MEX3A: variants seen among roughly 807,000 people sequenced by gnomAD.
The protein encoded by MEX3A is RNA-binding protein MEX3A.
MEX3A carries 4 observed loss-of-function variants against 30.0 expected under a neutral mutation model. That is an observed-to-expected ratio of 0.13 (90% CI 0.07 to 0.30). The LOEUF is 0.30. MEX3A is among the 10% of genes least tolerant of loss of function. The pLI is 1.00. For missense variants in MEX3A, 555 were observed against 736.7 expected (o/e 0.75, Z 2.86); for synonymous variants, 335 against 327.6 (o/e 1.02, Z -0.24).
rs1647957734 is a variant in MEX3A at position 156,073,009 on chromosome 1, G to A, written c.*3565C>T. On this transcript the variant is annotated 3_prime_UTR_variant, in exon 2 of 2. Transcript: ENST00000532414. ...GAAAGCTGGATGGGAACAGGGGTAGGGGACTGATCGCCTCAGTGCTCTTGA... is the reference window on the plus strand; with the variant it reads ...GAAAGCTGGATGGGAACAGGGGTAGAGGACTGATCGCCTCAGTGCTCTTGA... 6.6e-6 allele frequency: 1 copy of A among 152,444 alleles called. No homozygotes were observed. Among genetic ancestry groups the A allele is most frequent in the Admixed American group, 6.5e-5 (1 of 15,288 alleles). 9.4% of individuals were successfully genotyped at this position (152,444 alleles called of 1,614,324 possible).
Position 156,076,634 on chromosome 1 carries a change from C to G in MEX3A, c.1503G>C (p.Thr501=). 2 of 1,613,870 alleles carry G rather than the reference C, an allele frequency of 1.2e-6. No individual in the cohort carries two copies. The highest frequency in any genetic ancestry group is 1.7e-6 in the Non-Finnish European group (2 of 1,179,860). The change falls in exon 2 of 2, where the codon ACG becomes ACC. Residue 501 remains threonine, a synonymous_variant. Coordinates refer to ENST00000532414, the MANE Select transcript of MEX3A (RefSeq NM_001093725.2). This position sits in a 1 kb window ranked among gnomAD's most constrained non-coding sequence, Gnocchi z 6.0. ...MECAVRICER[T]DPECPVCHIT... ...TGTGGCAGACGGGACACTCTGGGTC[C>G]GTCCTCTCGCAGATGCGTACTGCAC...
In MEX3A at chr1:156,082,383, G is replaced by T. The variant is rs1236580758; in HGVS notation, c.-385C>A. On this transcript the variant is annotated 5_prime_UTR_variant, in exon 1 of 2. Coordinates refer to ENST00000532414, the MANE Select transcript of MEX3A (RefSeq NM_001093725.2). ...CCCGCTGTCCAGGCGCCCCCGTTAG[G>T]CTCCCGCACCGAGCCCCAGTCCGGG... Among the ~76,000 whole-genome samples, 1 of 152,112 alleles carries T rather than the reference G, an allele frequency of 6.6e-6. No homozygotes were observed. Among genetic ancestry groups the T allele is most frequent in the African/African-American group, 2.4e-5 (1 of 41,444 alleles).
chr1:156,082,053 G>A lies in MEX3A; in HGVS notation c.-55C>T. The A allele has an allele frequency of 1.2e-6, 1 of 865,518 alleles. No homozygotes were observed. The allele number at this position is 865,518 out of a possible 1,614,324, so 53.6% of individuals were successfully genotyped here. ...GGGAGAGAGAGAGAGAGAGGTGGTG[G>A]AAGGGAAAAGAGGAGAGAGGAGGGG... is the stretch of plus-strand genomic sequence containing the variant. On this transcript the variant is annotated 5_prime_UTR_variant, in exon 1 of 2. Coordinates refer to ENST00000532414, the MANE Select transcript of MEX3A (RefSeq NM_001093725.2).
Position 156,082,383 on chromosome 1 carries a change from G to C in MEX3A, c.-385C>G, listed in dbSNP as rs1236580758. ...CCCGCTGTCCAGGCGCCCCCGTTAGGCTCCCGCACCGAGCCCCAGTCCGGG... is the reference window on the plus strand; with the variant it reads ...CCCGCTGTCCAGGCGCCCCCGTTAGCCTCCCGCACCGAGCCCCAGTCCGGG... On this transcript the variant is annotated 5_prime_UTR_variant, in exon 1 of 2. Transcript: ENST00000532414. 2.0e-5 allele frequency among the ~76,000 whole-genome samples: 3 copies of C among 152,230 alleles called. No individual in the cohort carries two copies. Among genetic ancestry groups the C allele is most frequent in the South Asian group, 2.1e-4 (1 of 4,824 alleles).
At chr1:156,081,224 T>C (rs1461831536) in intron 1 of MEX3A, among the ~76,000 whole-genome samples, 1 of 152,132 alleles carries the variant, frequency 6.6e-6, no homozygotes, top group African/African-American at 2.4e-5. Context: ...TCCGTCAGTT[T>C]TTCTGGTTAG....
intron 1 of MEX3A, among the ~76,000 whole-genome samples, chr1:156,078,263 C>T (rs1648126988): frequency 1.3e-5 from 2 of 152,198 alleles, no homozygotes; most frequent in African/African-American, 4.8e-5. Context: ...CCCCACATGC[C>T]TTCCACTCAG....
At position 156,075,007 on chromosome 1, in the gene MEX3A, T is replaced by A. The variant is rs1405890883; in HGVS notation, c.*1567A>T. The A allele has an allele frequency of 6.6e-6, 1 of 152,568 alleles. No homozygotes were observed. The allele number at this position is 152,568 out of a possible 1,614,324, so 9.5% of individuals were successfully genotyped here. A position where few individuals can be genotyped will look rare whatever the true frequency, so the allele number is the denominator to read the frequency against. On this transcript the variant is annotated 3_prime_UTR_variant, in exon 2 of 2. Transcript: ENST00000532414. ...ATCTCCTGGGACTCCCATCCCTCCATCCTCTCTTGGCCCGGCCAGCGGAAC... is the reference window on the plus strand; with the variant it reads ...ATCTCCTGGGACTCCCATCCCTCCAACCTCTCTTGGCCCGGCCAGCGGAAC...
chr1:156,078,028 T>A (rs1648119532), intron 1 of MEX3A, among the ~76,000 whole-genome samples: 1 of 152,026 alleles, frequency 6.6e-6, no homozygotes, highest in Non-Finnish European at 1.5e-5. Flanking sequence ...CAAACTACAC[T>A]CCTTTCTCCC....
chr1:156,076,426 C>G lies in MEX3A; in HGVS notation c.*148G>C. On this transcript the variant is annotated 3_prime_UTR_variant, in exon 2 of 2. Transcript: ENST00000532414. The surrounding 1 kb of genome is among the most constrained non-coding windows in gnomAD (Gnocchi z 6.0). ...GCTCTGAAAGTGGCGCACCCTCCAG[C>G]CACCACTGCCTCCCTCCCCCCTTCC... 3.6e-6 allele frequency: 3 copies of G among 825,912 alleles called. No individual in the cohort carries two copies. The South Asian group carries it at 5.8e-5, about 16-fold the overall frequency. The allele number at this position is 825,912 out of a possible 1,614,324, so 51.2% of individuals were successfully genotyped here. A position where few individuals can be genotyped will look rare whatever the true frequency, so the allele number is the denominator to read the frequency against.
rs1169771146 is a variant in MEX3A at position 156,075,318 on chromosome 1, T to C, written c.*1256A>G. 6.7e-6 allele frequency: 1 copy of C among 150,214 alleles called. No individual in the cohort carries two copies. Among genetic ancestry groups the C allele is most frequent in the Non-Finnish European group, 1.5e-5 (1 of 67,506 alleles). 9.3% of individuals were successfully genotyped at this position (150,214 alleles called of 1,614,324 possible). A position where few individuals can be genotyped will look rare whatever the true frequency, so the allele number is the denominator to read the frequency against. On this transcript the variant is annotated 3_prime_UTR_variant, in exon 2 of 2. Coordinates refer to ENST00000532414, the MANE Select transcript of MEX3A (RefSeq NM_001093725.2). ...GTCAGGTTGAGAGGGGTGCAGGGAGTCGGGCACTGCATGGGAGGAGCAGCT... is the reference window on the plus strand; with the variant it reads ...GTCAGGTTGAGAGGGGTGCAGGGAGCCGGGCACTGCATGGGAGGAGCAGCT...
At position 156,074,997 on chromosome 1, in the gene MEX3A, C is replaced by T. The variant is rs1326506141; in HGVS notation, c.*1577G>A. ...ATTTACAAGGATCTCCTGGGACTCCCATCCCTCCATCCTCTCTTGGCCCGG... is the reference window on the plus strand; with the variant it reads ...ATTTACAAGGATCTCCTGGGACTCCTATCCCTCCATCCTCTCTTGGCCCGG... On this transcript the variant is annotated 3_prime_UTR_variant, in exon 2 of 2. Coordinates refer to ENST00000532414, the MANE Select transcript of MEX3A (RefSeq NM_001093725.2). 6.6e-6 allele frequency: 1 copy of T among 152,656 alleles called. No homozygotes were observed. The highest frequency in any genetic ancestry group is 2.4e-5 in the African/African-American group (1 of 41,426). 9.5% of individuals were successfully genotyped at this position (152,656 alleles called of 1,614,324 possible). A position where few individuals can be genotyped will look rare whatever the true frequency, so the allele number is the denominator to read the frequency against.
intron 1 of MEX3A, 28 bp downstream of exon 1, chr1:156,081,517 C>G (rs776397333): frequency 1.6e-5 from 25 of 1,591,704 alleles, no homozygotes; most frequent in Non-Finnish European, 2.1e-5. Context: ...ACTACAGTCC[C>G]TCTCAGTGGT....
chr1:156,073,308 A>G lies in MEX3A; in HGVS notation c.*3266T>C, dbSNP rs566369150. On this transcript the variant is annotated 3_prime_UTR_variant, in exon 2 of 2. Coordinates refer to ENST00000532414, the MANE Select transcript of MEX3A (RefSeq NM_001093725.2). ...CCAACCCAGCCCCTGTCTTATTGAGATGATCAGTGTGCATCCTTTCCAAGA... is the reference window on the plus strand; with the variant it reads ...CCAACCCAGCCCCTGTCTTATTGAGGTGATCAGTGTGCATCCTTTCCAAGA... 1 of 152,806 alleles carries G rather than the reference A, an allele frequency of 6.5e-6. No homozygotes were observed. The highest frequency in any genetic ancestry group is 1.9e-4 in the East Asian group (1 of 5,326). 9.5% of individuals were successfully genotyped at this position (152,806 alleles called of 1,614,324 possible). A position where few individuals can be genotyped will look rare whatever the true frequency, so the allele number is the denominator to read the frequency against.
chr1:156,077,720 C>G lies in MEX3A; in HGVS notation c.455-38G>C, dbSNP rs757745888. 6 of 1,536,490 alleles carry G rather than the reference C, an allele frequency of 3.9e-6. No homozygotes were observed. Among genetic ancestry groups the G allele is most frequent in the Non-Finnish European group, 5.2e-6 (6 of 1,146,954 alleles). On this transcript the variant is annotated intron_variant, in intron 1 of 1. Transcript: ENST00000532414. The surrounding 1 kb of genome is among the most constrained non-coding windows in gnomAD (Gnocchi z 8.3). ...GGGGAAGGAGAGAGACAAAGAAACG[C>G]ACACAGCAAGGTTTGTGCTGGGACC...
chr1:156,081,470 G>T (rs1321318232), intron 1 of MEX3A, 75 bp downstream of exon 1: 3 of 1,315,906 alleles, frequency 2.3e-6, no homozygotes, highest in Admixed American at 1.9e-5. Flanking sequence ...AAGAAGGGAA[G>T]AAATGAACTT....
In MEX3A at chr1:156,076,856, G is replaced by C; in HGVS notation, c.1281C>G (p.Arg427=). 1 of 1,539,106 alleles carries C rather than the reference G, an allele frequency of 6.5e-7. No individual in the cohort carries two copies. The highest frequency in any genetic ancestry group is 2.4e-5 in the East Asian group (1 of 40,936). The change falls in exon 2 of 2, where the codon CGC becomes CGG. Residue 427 remains arginine (R), a synonymous_variant. Coordinates refer to ENST00000532414, the MANE Select transcript of MEX3A (RefSeq NM_001093725.2). This position sits in a 1 kb window ranked among gnomAD's most constrained non-coding sequence, Gnocchi z 6.0. Reference sequence around the variant, plus strand: ...CGGGTCCCGCGGAAGTGGCAGGGGAGCGGTGTGCGCCCGGGGGCCCAGCGC... The same window carrying C: ...CGGGTCCCGCGGAAGTGGCAGGGGACCGGTGTGCGCCCGGGGGCCCAGCGC... ...KARAGPPGAH[R]SPATSAGPEL...
Position 156,082,032 on chromosome 1 carries a change from G to T in MEX3A, c.-34C>A. 8.5e-7 allele frequency: 1 copy of T among 1,170,750 alleles called. No individual in the cohort carries two copies. Among genetic ancestry groups the T allele is most frequent in the Non-Finnish European group, 1.1e-6 (1 of 889,132 alleles). The allele number at this position is 1,170,750 out of a possible 1,614,324, so 72.5% of individuals were successfully genotyped here. ...AAAAGCTGGGGGAGAGAGAGAGGGAGAGAGAGAGAGAGAGGTGGTGGAAGG... is the reference window on the plus strand; with the variant it reads ...AAAAGCTGGGGGAGAGAGAGAGGGATAGAGAGAGAGAGAGGTGGTGGAAGG... On this transcript the variant is annotated 5_prime_UTR_variant, in exon 1 of 2. Transcript: ENST00000532414.
In MEX3A at chr1:156,081,999, G is replaced by T; in HGVS notation, c.-1C>A. The T allele has an allele frequency of 6.6e-7, 1 of 1,514,218 alleles. No individual in the cohort carries two copies. The highest frequency in any genetic ancestry group is 1.7e-4 in the Middle Eastern group (1 of 5,896). The allele number at this position is 1,514,218 out of a possible 1,614,324, so 93.8% of individuals were successfully genotyped here. A position where few individuals can be genotyped will look rare whatever the true frequency, so the allele number is the denominator to read the frequency against. On this transcript the variant is annotated 5_prime_UTR_variant, in exon 1 of 2. Transcript: ENST00000532414. ...TTCCAGATACCACTAGACTAGGCAT[G>T]GCGAAACAAAAGCTGGGGGAGAGAG...
rs1278385042 is a variant in MEX3A at position 156,074,577 on chromosome 1, C to T, written c.*1997G>A. The T allele has an allele frequency of 1.3e-5, 2 of 152,724 alleles. No homozygotes were observed. Among genetic ancestry groups the T allele is most frequent in the African/African-American group, 4.8e-5 (2 of 41,504 alleles). The allele number at this position is 152,724 out of a possible 1,614,324, so 9.5% of individuals were successfully genotyped here. On this transcript the variant is annotated 3_prime_UTR_variant, in exon 2 of 2. Transcript: ENST00000532414. ...GGTGGGATTGAATTTGCTGAGCCCCCTAGTGTAACAGTCTTCTGCCTTTGT... is the reference window on the plus strand; with the variant it reads ...GGTGGGATTGAATTTGCTGAGCCCCTTAGTGTAACAGTCTTCTGCCTTTGT...
Sources: allele counts gnomAD v4.1 joint callset (sites outside exome capture counted in the v4.1 genomes callset), GRCh38; gene constraint gnomAD v4.1.1; non-coding constraint Gnocchi (gnomAD v3.1); transcripts MANE v1.5; gene names NCBI Gene and HGNC (gene_info 2026-07-23, HGNC 2026-07-21).